The following OTUD7B variants were observed in gnomAD, a reference collection of about 807,000 sequenced individuals.
OTUD7B encodes the protein OTU deubiquitinase 7B.
In OTUD7B, 34 loss-of-function variants were observed where a neutral mutation model predicts 82.2. That is an observed-to-expected ratio of 0.41 (90% confidence interval 0.31 to 0.55). The LOEUF (loss-of-function observed/expected upper bound fraction) is 0.55, where lower values mean the gene tolerates loss of function less well. Among genes scored for constraint, OTUD7B ranks in the 20% least tolerant of loss-of-function variants. The probability of loss-of-function intolerance (pLI) is 0.20; values close to 1 mark genes in which losing one functional copy is unlikely to be tolerated. For missense variants in OTUD7B, 944 were observed against 1,062.1 expected (o/e 0.89, Z 1.55); for synonymous variants, 398 against 402.7 (o/e 0.99, Z 0.14).
rs1414530346 is a variant in OTUD7B at position 149,967,499 on chromosome 1, G to C, written c.297C>G (p.Ile99Met). 4 of 1,610,722 alleles carry C rather than the reference G, an allele frequency of 2.5e-6. No homozygotes were observed. Among genetic ancestry groups the C allele is most frequent in the Non-Finnish European group, 3.4e-6 (4 of 1,178,194 alleles). The change falls in exon 4 of 12, where the codon ATC becomes ATG. Residue 99 changes from isoleucine (I) to methionine (M), a missense_variant. This residue lies in a region of OTUD7B where 530 missense variants were observed against 625.6 expected (regional missense o/e 0.85). Coordinates refer to ENST00000581312, the MANE Select transcript of OTUD7B (RefSeq NM_020205.4). ...AAACAATGCTGGAGCTGGCGTGGGA[G>C]ATGCCCCTAGACAGGCGTTTTTCTG... ...IVQEKRLSRG[I>M]SHASSSIVSL...
intron 1 of OTUD7B, among the ~76,000 whole-genome samples, chr1:149,995,157 G>A (rs1486113134): frequency 2.6e-5 from 4 of 152,164 alleles, no homozygotes; most frequent in African/African-American, 9.6e-5. Context: ...CCTAATCCAA[G>A]TACCATGCAT....
At position 149,971,095 on chromosome 1, in the gene OTUD7B, G is replaced by C; in HGVS notation, c.242C>G (p.Pro81Arg). ...SDREPTRPPRPILQRQDDIVQ... is the reference protein window; with the variant it reads ...SDREPTRPPRRILQRQDDIVQ... ...GATGTCATCCTGCCGCTGGAGGATG[G>C]GTCGGGGAGGGCGAGTAGGCTCTCT... The change falls in exon 3 of 12, where the codon CCC becomes CGC. Residue 81 changes from proline (P) to arginine (R), a missense_variant. Pro to Arg is a moderately radical substitution (Grantham distance 103). Around this residue, in one of 3 missense-constraint regions of OTUD7B, gnomAD observed 530 missense variants for 625.6 expected, o/e 0.85. Transcript: ENST00000581312. The C allele has an allele frequency of 6.2e-7, 1 of 1,611,702 alleles. No homozygotes were observed. The highest frequency in any genetic ancestry group is 8.5e-7 in the Non-Finnish European group (1 of 1,178,186).
chr1:150,021,080 T>C, the OTUD7B span, among the ~76,000 whole-genome samples: 1 of 152,222 alleles, frequency 6.6e-6, no homozygotes, highest in Non-Finnish European at 1.5e-5. Flanking sequence ...TTCTGTTATT[T>C]TGAAGATTTT....
At chr1:150,063,741 T>C in the OTUD7B span, among the ~76,000 whole-genome samples, 4 of 152,206 alleles carry the variant, frequency 2.6e-5, no homozygotes, top group Non-Finnish European at 5.9e-5. Flanking sequence ...CAGATAATTT[T>C]TACTCAATGA....
intron 1 of OTUD7B, 58 bp downstream of exon 1, chr1:150,010,390 G>A (rs1484406776): frequency 6.6e-6 from 1 of 152,554 alleles, no homozygotes; most frequent in Non-Finnish European, 1.5e-5. Flanking sequence ...GCGAGTCTGA[G>A]AAGCCGGGAG....
chr1:150,038,790 T>A, the OTUD7B span, among the ~76,000 whole-genome samples: 7 of 152,208 alleles, frequency 4.6e-5, no homozygotes, highest in Non-Finnish European at 7.3e-5. Context: ...GAAAAGCTAA[T>A]CTCAGTTTCA....
intron 10 of OTUD7B, among the ~76,000 whole-genome samples, chr1:149,947,552 T>C (rs1647850171): frequency 6.6e-6 from 1 of 152,076 alleles, no homozygotes; most frequent in Non-Finnish European, 1.5e-5. Flanking sequence ...ATAGATAATA[T>C]CTATCCTGTA....
At chr1:149,956,440 C>T (rs1553774580) in intron 7 of OTUD7B, among the ~76,000 whole-genome samples, 4 of 152,112 alleles carry the variant, frequency 2.6e-5, no homozygotes, top group Non-Finnish European at 1.5e-5. Flanking sequence ...GTGGGTAACC[C>T]GACCTTTCTC....
At chr1:150,049,980 G>A in the OTUD7B span, among the ~76,000 whole-genome samples, 3 of 152,094 alleles carry the variant, frequency 2.0e-5, no homozygotes, top group Admixed American at 2.0e-4. Context: ...GGGAGGCTGA[G>A]GCAGGAAGGT....
At chr1:149,964,023 T>C in intron 6 of OTUD7B, 199 bp downstream of exon 6, 3 of 563,082 alleles carry the variant, frequency 5.3e-6, no homozygotes, top group Non-Finnish European at 9.4e-6. Flanking sequence ...GTAGGTCTCA[T>C]GCCCACCACC....
At chr1:149,989,347 C>T (rs1200356821) in intron 1 of OTUD7B, among the ~76,000 whole-genome samples, 1 of 151,768 alleles carries the variant, frequency 6.6e-6, no homozygotes, top group Non-Finnish European at 1.5e-5. Flanking sequence ...GTGGTGGGCA[C>T]CTGTAATCCC....
intron 1 of OTUD7B, among the ~76,000 whole-genome samples, chr1:150,005,621 G>A (rs1479418465): frequency 5.3e-5 from 8 of 151,120 alleles, no homozygotes; most frequent in Admixed American, 5.3e-4. Context: ...AATGGCATGT[G>A]ATTTTGTTTA....
chr1:149,981,642 CTT>C (rs1477027928), intron 1 of OTUD7B, among the ~76,000 whole-genome samples: 3 of 152,156 alleles, frequency 2.0e-5, no homozygotes, highest in Non-Finnish European at 4.4e-5. Flanking sequence ...AAAATCCTGT[CTT>C]ATATCAGTAC....
chr1:150,052,546 T>G, the OTUD7B span, among the ~76,000 whole-genome samples: 3 of 152,192 alleles, frequency 2.0e-5, no homozygotes, highest in Non-Finnish European at 4.4e-5. Context: ...AAACATCCCA[T>G]GCTCATGGAT....
the OTUD7B span, among the ~76,000 whole-genome samples, chr1:150,030,992 C>T: frequency 2.0e-5 from 3 of 152,062 alleles, no homozygotes; most frequent in Non-Finnish European, 4.4e-5. Flanking sequence ...GGGCTGGGTC[C>T]TCGAACTCCT....
chr1:149,944,803 C>A lies in OTUD7B; in HGVS notation c.1586G>T (p.Gly529Val). 1.2e-6 allele frequency: 2 copies of A among 1,614,152 alleles called. No homozygotes were observed. The highest frequency in any genetic ancestry group is 1.7e-6 in the Non-Finnish European group (2 of 1,180,030). ...TGTCCCCACCCCTCCAGGCTTTGAA[C>A]CCTTGCTGTGCATCAGGCCCCCCAT... ...KNMGGLMHSKGSKPGGVGTGL... is the reference protein window; with the variant it reads ...KNMGGLMHSKVSKPGGVGTGL... Residue 529 changes from glycine to valine, a missense_variant, in exon 12 of 12, where the codon GGT becomes GTT. Gly to Val is a moderately radical substitution (Grantham distance 109). Around this residue, in one of 3 missense-constraint regions of OTUD7B, gnomAD observed 412 missense variants for 418.7 expected, o/e 0.98. Transcript: ENST00000581312.
At chr1:150,003,939 C>T (rs1253822887) in intron 1 of OTUD7B, among the ~76,000 whole-genome samples, 1 of 152,156 alleles carries the variant, frequency 6.6e-6, no homozygotes, top group Non-Finnish European at 1.5e-5. Context: ...CAACACATCG[C>T]AAATTATACT....
intron 1 of OTUD7B, among the ~76,000 whole-genome samples, chr1:150,007,966 C>T (rs1553786567): frequency 6.6e-6 from 1 of 152,218 alleles, no homozygotes; most frequent in Admixed American, 6.5e-5. Context: ...TACACACATA[C>T]ACCCACACTA....
rs1388877490 is a variant in OTUD7B at position 149,951,001 on chromosome 1, T to TG, written c.846-781_846-780insC. On this transcript the variant is annotated intron_variant, in intron 7 of 11. Transcript: ENST00000581312. ...TATTTTTTTTTTTTTTTTTTTTTTG[T>TG]AGATGGAGTCTCACTCTTTCGCCCA... Among the ~76,000 whole-genome samples the TG allele has an allele frequency of 3.1e-5, 2 of 63,720 alleles. 1 individual carries two copies. The highest frequency in any genetic ancestry group is 5.3e-5 in the Non-Finnish European group (2 of 37,698). 41.8% of individuals were successfully genotyped at this position (63,720 alleles called of 152,430 possible).
Sources: gnomAD v4.1 joint callset for allele counts (sites outside exome capture counted in the v4.1 genomes callset) on GRCh38, gnomAD v4.1.1 for gene constraint, gnomAD v4.1.1 regional missense constraint, MANE v1.5 for transcripts, NCBI Gene and HGNC (gene_info 2026-07-23, HGNC 2026-07-21) for gene names.